The following ESRP1 variants were observed in gnomAD, a reference collection of about 807,000 sequenced individuals.
The protein encoded by ESRP1 is RNA-binding motif protein 35A.
Under a neutral mutation model 81.7 loss-of-function variants are expected in ESRP1, and 33 were observed. The ratio of observed to expected loss-of-function variants is 0.40; its 90% CI spans 0.31 to 0.54. The LOEUF (loss-of-function observed/expected upper bound fraction) is 0.54, where lower values mean the gene tolerates loss of function less well. Ranked by LOEUF, ESRP1 falls within the 20% of genes least tolerant of loss-of-function variation. The pLI is 0.41. For synonymous variants in ESRP1, 320 were observed against 303.3 expected (o/e 1.06, Z -0.57); for missense variants, 672 against 833.1 (o/e 0.81, Z 2.38).
chr8:94,704,427 G>A lies in ESRP1; in HGVS notation c.*36-1498G>A, dbSNP rs1012260124. Among the ~76,000 whole-genome samples the A allele has an allele frequency of 2.0e-4, 30 of 152,034 alleles. 1 individual carries two copies. The highest frequency in any genetic ancestry group is 2.2e-4 in the African/African-American group (9 of 41,450). ...GGCTGAGTTTGAGACTAGCCTGGAC[G>A]ACATAGGGAGACCCCATCTCTAAAA... On this transcript the variant is annotated intron_variant, in intron 15 of 15. Transcript: ENST00000433389.
chr8:94,641,200 G>A lies in ESRP1; in HGVS notation c.-119G>A, dbSNP rs937586256. Reference sequence around the variant, plus strand: ...TTTTGCACTAGCAGTAGCAAGGAAGGGGGGTGGGCGCTCTTTCTTTTTCTC... The same window carrying A: ...TTTTGCACTAGCAGTAGCAAGGAAGAGGGGTGGGCGCTCTTTCTTTTTCTC... On this transcript the variant is annotated 5_prime_UTR_variant, in exon 1 of 16. Transcript: ENST00000433389. 8 of 990,826 alleles carry A rather than the reference G, an allele frequency of 8.1e-6. No homozygotes were observed. The highest frequency in any genetic ancestry group is 1.2e-5 in the Non-Finnish European group (8 of 687,548). 61.4% of individuals were successfully genotyped at this position (990,826 alleles called of 1,614,324 possible).
At chr8:94,641,578 C>A in intron 1 of ESRP1, 128 bp downstream of exon 1, 1 of 1,345,802 alleles carries the variant, frequency 7.4e-7, no homozygotes, top group Non-Finnish European at 1.0e-6. Flanking sequence ...AGTCTGGACC[C>A]GAGGCCTAGG....
Position 94,649,274 on chromosome 8 carries a change from T to C in ESRP1, c.490+2992T>C, listed in dbSNP as rs139177563. Among the ~76,000 whole-genome samples, 1,250 of 152,344 alleles carry C rather than the reference T, an allele frequency of 8.2e-3. 16 individuals are homozygous for C. Among genetic ancestry groups the C allele is most frequent in the African/African-American group, 0.028 (1,154 of 41,578 alleles). On this transcript the variant is annotated intron_variant, in intron 4 of 15. Coordinates refer to ENST00000433389, the MANE Select transcript of ESRP1 (RefSeq NM_017697.4). ...TTTGCCCTGGCTTCTCTCAAACTCC[T>C]GGCCTCAAGCCATCCTCCTGTCTTG... is the stretch of plus-strand genomic sequence containing the variant.
intron 15 of ESRP1, among the ~76,000 whole-genome samples, chr8:94,700,846 A>G (rs1259696773): frequency 1.3e-5 from 2 of 151,078 alleles, no homozygotes; most frequent in East Asian, 2.0e-4. Flanking sequence ...GGAGAATGGC[A>G]TGAACCCGGA....
chr8:94,663,334 C>T (rs1027252779), intron 6 of ESRP1, among the ~76,000 whole-genome samples: 1 of 152,144 alleles, frequency 6.6e-6, no homozygotes, highest in Non-Finnish European at 1.5e-5. Context: ...CAACCTCCGC[C>T]TCCCGGGTTC....
intron 10 of ESRP1, 75 bp from the exon 11 acceptor site, chr8:94,671,378 T>C: frequency 7.9e-7 from 1 of 1,266,960 alleles, no homozygotes; most frequent in Non-Finnish European, 1.1e-6. Flanking sequence ...AGCTTCCCAG[T>C]GATGCCATTG....
chr8:94,646,640 GCTT>G (rs1817869482), intron 4 of ESRP1, among the ~76,000 whole-genome samples: 1 of 152,038 alleles, frequency 6.6e-6, no homozygotes, highest in Non-Finnish European at 1.5e-5. Context: ...GTTTATTTTG[GCTT>G]CTTTGGAATG....
rs1158857032 is a variant in ESRP1 at position 94,700,937 on chromosome 8, A to ATGTGTG, written c.*35+3986_*35+3991dup. Among the ~76,000 whole-genome samples the ATGTGTG allele has an allele frequency of 5.0e-3, 626 of 125,802 alleles. 3 individuals carry two copies. Among genetic ancestry groups the ATGTGTG allele is most frequent in the African/African-American group, 0.022 (583 of 26,778 alleles). 82.5% of individuals were successfully genotyped at this position (125,802 alleles called of 152,430 possible). ...GAGCAAGACTCCGACTCAAAAAAAAATGTGTGTGTGTGTGTATGTGTGTGT... is the reference window on the plus strand; with the variant it reads ...GAGCAAGACTCCGACTCAAAAAAAAATGTGTGTGTGTGTGTGTGTGTATGTGTGTGT... On this transcript the variant is annotated intron_variant, in intron 15 of 15. Coordinates refer to ENST00000433389, the MANE Select transcript of ESRP1 (RefSeq NM_017697.4).
At chr8:94,676,885 G>T (rs1324768403) in intron 12 of ESRP1, among the ~76,000 whole-genome samples, 1 of 151,918 alleles carries the variant, frequency 6.6e-6, no homozygotes, top group Non-Finnish European at 1.5e-5. Context: ...GGGCGCGGTG[G>T]CTTACGCCTG....
rs1308240887 is a variant in ESRP1 at position 94,646,232 on chromosome 8, G to C, written c.440G>C (p.Cys147Ser). The C allele has an allele frequency of 5.6e-6, 9 of 1,612,650 alleles. No homozygotes were observed. Among genetic ancestry groups the C allele is most frequent in the Non-Finnish European group, 7.6e-6 (9 of 1,179,238 alleles). ...FDLRKEFKKC[C>S]PGSPDIDKLD... The stretch of plus-strand genomic sequence containing the variant: ...CTTCGAAAAGAATTCAAGAAATGTT[G>C]CCCTGGTTCACCTGATATTGACAAA... The change falls in exon 4 of 16, where the codon TGC (cysteine) becomes TCC (serine). Residue 147 changes from cysteine to serine, a missense_variant. By Grantham distance (112) the Cys-to-Ser change is moderately radical. Coordinates refer to ENST00000433389, the MANE Select transcript of ESRP1 (RefSeq NM_017697.4).
intron 12 of ESRP1, among the ~76,000 whole-genome samples, chr8:94,675,085 G>A (rs1819523756): frequency 6.6e-6 from 1 of 152,186 alleles, no homozygotes; most frequent in Non-Finnish European, 1.5e-5. Context: ...CAGGATCAGT[G>A]CTTAATTTTA....
chr8:94,687,824 T>A lies in ESRP1; in HGVS notation c.1821-4853T>A, dbSNP rs138273966. On this transcript the variant is annotated intron_variant, in intron 13 of 15. Coordinates refer to ENST00000433389, the MANE Select transcript of ESRP1 (RefSeq NM_017697.4). ...TCTAAATATGAGATCTTATAAGACATCATTTACAAATATTTTCTCCAATTC... is the reference window on the plus strand; with the variant it reads ...TCTAAATATGAGATCTTATAAGACAACATTTACAAATATTTTCTCCAATTC... 1.6e-4 allele frequency among the ~76,000 whole-genome samples: 25 copies of A among 152,348 alleles called. No individual in the cohort carries two copies. In the East Asian group the frequency reaches 4.4e-3, roughly 27 times the overall value.
intron 2 of ESRP1, among the ~76,000 whole-genome samples, chr8:94,642,450 G>A (rs561731237): frequency 6.6e-6 from 1 of 152,354 alleles, no homozygotes; most frequent in African/African-American, 2.4e-5. Flanking sequence ...CGGGGTTTGG[G>A]CCCACAGCCT....
At chr8:94,646,960 T>C (rs1213651706) in intron 4 of ESRP1, among the ~76,000 whole-genome samples, 1 of 152,224 alleles carries the variant, frequency 6.6e-6, no homozygotes, top group South Asian at 2.1e-4. Flanking sequence ...TGTGCTAATA[T>C]ATCAGATGTA....
chr8:94,692,665 C>T lies in ESRP1; in HGVS notation c.1821-12C>T, dbSNP rs531097409. ...TATTCCTATTGGTTCACTGTGCTTT[C>T]TCTCCCTTTAGCCCCCCAGGTTCGC... On this transcript the variant is annotated splice_polypyrimidine_tract_variant and intron_variant, in intron 13 of 15. Coordinates refer to ENST00000433389, the MANE Select transcript of ESRP1 (RefSeq NM_017697.4). 6 of 1,611,456 alleles carry T rather than the reference C, an allele frequency of 3.7e-6. No individual in the cohort carries two copies. The highest frequency in any genetic ancestry group is 1.3e-5 in the African/African-American group (1 of 74,874).
intron 13 of ESRP1, among the ~76,000 whole-genome samples, chr8:94,691,277 CA>C (rs1254480786): frequency 6.6e-6 from 1 of 151,962 alleles, no homozygotes; most frequent in African/African-American, 2.4e-5. Flanking sequence ...AAAAAACAAA[CA>C]AACAAAAAAA....
At chr8:94,642,593 G>A (rs986956811) in intron 2 of ESRP1, among the ~76,000 whole-genome samples, 1 of 152,168 alleles carries the variant, frequency 6.6e-6, no homozygotes. Flanking sequence ...GGCTCGGTCC[G>A]TCATTATTTC....
chr8:94,661,498 G>A (rs573469210), intron 4 of ESRP1, among the ~76,000 whole-genome samples: 1 of 152,316 alleles, frequency 6.6e-6, no homozygotes, highest in African/African-American at 2.4e-5. Context: ...ATGCAGTGGT[G>A]TAGAACCAAG....
intron 14 of ESRP1, among the ~76,000 whole-genome samples, chr8:94,696,053 A>T (rs1279642246): frequency 6.6e-6 from 1 of 151,684 alleles, no homozygotes; most frequent in African/African-American, 2.4e-5. Context: ...ACAGAACAAG[A>T]CTCTGTCTCA....
Sources: gnomAD v4.1 joint callset for allele counts (sites outside exome capture counted in the v4.1 genomes callset) on GRCh38, gnomAD v4.1.1 for gene constraint, MANE v1.5 for transcripts, NCBI Gene and HGNC (gene_info 2026-07-23, HGNC 2026-07-21) for gene names.